The following MCPH1 variants were observed in gnomAD, a reference collection of about 807,000 sequenced individuals.
The protein encoded by MCPH1 is microcephalin 1, also known as microcephalin.
In MCPH1, 104 loss-of-function variants were observed where a neutral mutation model predicts 84.5. The ratio of observed to expected loss-of-function variants is 1.23; its 90% CI spans 1.05 to 1.45. The LOEUF (loss-of-function observed/expected upper bound fraction) is 1.45, where lower values mean the gene tolerates loss of function less well. Among genes scored for constraint, MCPH1 ranks in the 40% most tolerant of loss-of-function variants. MCPH1 has a pLI of 0.00. For synonymous variants in MCPH1, 514 were observed against 366.8 expected (o/e 1.40, Z -4.58); for missense variants, 1,498 against 1,005.7 (o/e 1.49, Z -6.62).
intron 12 of MCPH1, among the ~76,000 whole-genome samples, chr8:6,533,981 T>C (rs1176809981): frequency 6.6e-6 from 1 of 152,164 alleles, no homozygotes; most frequent in Non-Finnish European, 1.5e-5. Flanking sequence ...GCTGGAACTA[T>C]AAGTTTCCTG....
intron 11 of MCPH1, among the ~76,000 whole-genome samples, chr8:6,481,636 G>C (rs1397921526): frequency 1.3e-5 from 2 of 152,124 alleles, no homozygotes; most frequent in Non-Finnish European, 2.9e-5. Context: ...ATTATAACAT[G>C]CAAAAGCTAC....
intron 6 of MCPH1, among the ~76,000 whole-genome samples, chr8:6,439,498 C>T (rs992594128): frequency 2.0e-5 from 3 of 151,670 alleles, no homozygotes; most frequent in Middle Eastern, 3.2e-3. Flanking sequence ...GATTCTACTG[C>T]CTCAGCCTCC....
intron 9 of MCPH1, among the ~76,000 whole-genome samples, chr8:6,466,951 A>G (rs1807056245): frequency 6.6e-6 from 1 of 152,230 alleles, no homozygotes; most frequent in African/African-American, 2.4e-5. Context: ...TTGCCTTCCA[A>G]ATAATATTTA....
intron 9 of MCPH1, 78 bp from the exon 10 acceptor site, chr8:6,477,516 A>T: frequency 7.5e-7 from 1 of 1,324,796 alleles, no homozygotes; most frequent in South Asian, 1.2e-5. Flanking sequence ...CAAAAAACTT[A>T]TTACAGTTTA....
Position 6,431,584 on chromosome 8 carries a change from A to G in MCPH1, c.319A>G (p.Lys107Glu), listed in dbSNP as rs1165594064. ...NEHLSSLIKK[K>E]RKCMQPKDFN... ...ACACTTATCAAGCCTAATTAAAAAA[A>G]AAGTAAGTACATGATTTCAATGTAG... The change falls in exon 4 of 14, where the codon AAA becomes GAA. Residue 107 changes from lysine to glutamate, a missense_variant and splice_region_variant. Coordinates refer to ENST00000344683, the MANE Select transcript of MCPH1 (RefSeq NM_024596.5). The G allele has an allele frequency of 1.3e-6, 2 of 1,598,504 alleles. No individual in the cohort carries two copies. The highest frequency in any genetic ancestry group is 2.7e-5 in the African/African-American group (2 of 74,618).
At chr8:6,626,130 T>C (rs1359639933) in intron 13 of MCPH1, 1 of 985,390 alleles carries the variant, frequency 1.0e-6, no homozygotes, top group African/African-American at 1.7e-5. Context: ...GTGATTATTT[T>C]ACTTGTAAGA....
chr8:6,593,322 A>G (rs1828666524), intron 12 of MCPH1, among the ~76,000 whole-genome samples: 2 of 151,826 alleles, frequency 1.3e-5, no homozygotes, highest in Admixed American at 1.3e-4. Context: ...ACCTCAGATG[A>G]TCCGCCCACC....
At chr8:6,574,980 G>A (rs1826951022) in intron 12 of MCPH1, among the ~76,000 whole-genome samples, 1 of 152,196 alleles carries the variant, frequency 6.6e-6, no homozygotes, top group South Asian at 2.1e-4. Context: ...CAGTAAGAGG[G>A]AAGTCAAGAA....
At chr8:6,509,475 G>T (rs750810738) in intron 12 of MCPH1, among the ~76,000 whole-genome samples, 5 of 152,180 alleles carry the variant, frequency 3.3e-5, no homozygotes, top group African/African-American at 4.8e-5. Context: ...GGGGGCCCCG[G>T]GGGGGATGGA....
At position 6,644,464 on chromosome 8, in the gene MCPH1, G is replaced by C. The variant is rs981149687; in HGVS notation, c.*1415G>C. 3 of 152,132 alleles carry C rather than the reference G, an allele frequency of 2.0e-5. No homozygotes were observed. Among genetic ancestry groups the C allele is most frequent in the African/African-American group, 7.2e-5 (3 of 41,414 alleles). The allele number at this position is 152,132 out of a possible 1,614,324, so 9.4% of individuals were successfully genotyped here. ...AAAACCCTAAAGACTCTGCCAAAAG[G>C]CTCCTGGAACCGATAAATGACTTAA... On this transcript the variant is annotated 3_prime_UTR_variant, in exon 14 of 14. Transcript: ENST00000344683.
chr8:6,432,396 A>G (rs1171018925), intron 4 of MCPH1, among the ~76,000 whole-genome samples: 4 of 152,224 alleles, frequency 2.6e-5, no homozygotes, highest in East Asian at 1.9e-4. Context: ...AATATTTCCA[A>G]TCGCGACTGG....
intron 9 of MCPH1, among the ~76,000 whole-genome samples, chr8:6,474,751 A>G (rs73661771): frequency 0.012 from 1,766 of 152,290 alleles, 37 homozygotes; most frequent in African/African-American, 0.041. Context: ...ATAATCCTAG[A>G]AATTTTTGGA....
intron 12 of MCPH1, among the ~76,000 whole-genome samples, chr8:6,606,911 C>T (rs141096013): frequency 1.4e-3 from 209 of 152,322 alleles, no homozygotes; most frequent in African/African-American, 5.0e-3. Flanking sequence ...TGCCTTTCAC[C>T]TTCCACTATG....
intron 11 of MCPH1, among the ~76,000 whole-genome samples, chr8:6,485,827 G>C (rs1056620877): frequency 6.6e-6 from 1 of 152,106 alleles, no homozygotes; most frequent in Non-Finnish European, 1.5e-5. Flanking sequence ...ATATATGTTT[G>C]TGTGATTACA....
chr8:6,592,518 C>T (rs1388543148), intron 12 of MCPH1, among the ~76,000 whole-genome samples: 5 of 151,874 alleles, frequency 3.3e-5, no homozygotes, highest in Non-Finnish European at 7.4e-5. Context: ...TTGCATCTTT[C>T]CCTCTCCAAT....
Position 6,643,407 on chromosome 8 carries a change from G to A in MCPH1, c.*358G>A. On this transcript the variant is annotated 3_prime_UTR_variant, in exon 14 of 14. Transcript: ENST00000344683. ...AGCCTCCTGAGTAGCTGGGATTACA[G>A]ATGTGTGCCACCATGCCTGGCTAAT... 9.7e-6 allele frequency: 3 copies of A among 309,448 alleles called. No individual in the cohort carries two copies. Among genetic ancestry groups the A allele is most frequent in the South Asian group, 9.6e-5 (3 of 31,390 alleles). The allele number at this position is 309,448 out of a possible 1,614,324, so 19.2% of individuals were successfully genotyped here. A position where few individuals can be genotyped will look rare whatever the true frequency, so the allele number is the denominator to read the frequency against.
chr8:6,559,603 T>C (rs1825201332), intron 12 of MCPH1, among the ~76,000 whole-genome samples: 1 of 152,194 alleles, frequency 6.6e-6, no homozygotes, highest in Non-Finnish European at 1.5e-5. Context: ...GTTCATAGAC[T>C]GCAGTTGTTT....
chr8:6,632,637 A>G (rs777840374), intron 13 of MCPH1, among the ~76,000 whole-genome samples: 31 of 152,140 alleles, frequency 2.0e-4, no homozygotes, highest in South Asian at 6.2e-4. Context: ...GTGAAACCCC[A>G]TCTCTACTAA....
chr8:6,509,983 C>T lies in MCPH1; in HGVS notation c.2214+10054C>T, dbSNP rs75106996. 2.5e-3 allele frequency among the ~76,000 whole-genome samples: 380 copies of T among 152,168 alleles called. 1 individual carries two copies. Among genetic ancestry groups the T allele is most frequent in the African/African-American group, 8.6e-3 (356 of 41,502 alleles). ...CCAGGGAAAGATCCAAATTTAAATC[C>T]CAAAGTGTAGTTTCTGCTGAATGCG... On this transcript the variant is annotated intron_variant, in intron 12 of 13. Coordinates refer to ENST00000344683, the MANE Select transcript of MCPH1 (RefSeq NM_024596.5).
Sources: allele counts gnomAD v4.1 joint callset (sites outside exome capture counted in the v4.1 genomes callset), GRCh38; gene constraint gnomAD v4.1.1; transcripts MANE v1.5; gene names NCBI Gene and HGNC (gene_info 2026-07-23, HGNC 2026-07-21).